Variants in TBC1D22A observed in about 807,000 individuals in gnomAD.
The protein encoded by TBC1D22A is TBC1 domain family member 22A.
Under a neutral mutation model 60.2 loss-of-function variants are expected in TBC1D22A, and 38 were observed. That is an observed-to-expected ratio of 0.63 (90% CI 0.49 to 0.83). The LOEUF is 0.83. Among genes scored for constraint, TBC1D22A ranks in the 40% least tolerant of loss-of-function variants. The probability of loss-of-function intolerance (pLI) is 0.00; values close to 1 mark genes in which losing one functional copy is unlikely to be tolerated. For missense variants in TBC1D22A, 628 were observed against 701.0 expected, an observed-to-expected ratio of 0.90 and a Z score of 1.18; for synonymous variants, 302 against 281.7, an observed-to-expected ratio of 1.07 and a Z score of -0.72.
chr22:46,941,825 A>ATATG (rs1193746525), intron 8 of TBC1D22A, among the ~76,000 whole-genome samples: 12,114 of 96,540 alleles, frequency 0.13, 807 homozygotes, highest in African/African-American at 0.22. Flanking sequence ...TATATAGAAT[A>ATATG]TATAGAATAA....
chr22:46,821,889 C>T (rs954003033), intron 4 of TBC1D22A, among the ~76,000 whole-genome samples: 43 of 152,014 alleles, frequency 2.8e-4, no homozygotes, highest in African/African-American at 7.2e-4. Context: ...ATCGTAGGTT[C>T]GGTCATTTTA....
At chr22:46,906,929 G>C (rs745563138) in intron 7 of TBC1D22A, among the ~76,000 whole-genome samples, 35 of 152,026 alleles carry the variant, frequency 2.3e-4, no homozygotes, top group Non-Finnish European at 4.1e-4. Flanking sequence ...ATGTGTGCGC[G>C]TGTGCTCTCT....
At chr22:46,945,176 C>G (rs1486304364) in intron 8 of TBC1D22A, among the ~76,000 whole-genome samples, 1 of 152,218 alleles carries the variant, frequency 6.6e-6, no homozygotes, top group African/African-American at 2.4e-5. Context: ...TTTTGAAAAA[C>G]TACTGGTGGG....
At chr22:46,912,554 GTTTA>G (rs140115984) in intron 8 of TBC1D22A, among the ~76,000 whole-genome samples, 13 of 148,644 alleles carry the variant, frequency 8.7e-5, no homozygotes, top group African/African-American at 3.3e-4. Context: ...CTGTCTATCT[GTTTA>G]TCTATCTGTT....
chr22:46,818,300 G>GT lies in TBC1D22A; in HGVS notation c.637+20685dup, dbSNP rs1377508890. 2.6e-5 allele frequency among the ~76,000 whole-genome samples: 4 copies of GT among 152,292 alleles called. No individual in the cohort carries two copies. In the East Asian group the frequency reaches 5.8e-4, roughly 22 times the overall value. Reference sequence around the variant, plus strand: ...GGCTTATGTTGCAGTTGCTTTTGGTGTTTTTATCATGAAGTCTTTGCCCAT... The same window carrying GT: ...GGCTTATGTTGCAGTTGCTTTTGGTGTTTTTTATCATGAAGTCTTTGCCCAT... On this transcript the variant is annotated intron_variant, in intron 4 of 12. Coordinates refer to ENST00000337137, the MANE Select transcript of TBC1D22A (RefSeq NM_014346.5).
intron 5 of TBC1D22A, among the ~76,000 whole-genome samples, chr22:46,885,931 G>A (rs1274997845): frequency 6.8e-6 from 1 of 148,102 alleles, no homozygotes; most frequent in Non-Finnish European, 1.5e-5. Context: ...TTTTTGAGGC[G>A]GAGTCTCACT....
intron 5 of TBC1D22A, among the ~76,000 whole-genome samples, chr22:46,884,899 T>A (rs1223844197): frequency 6.6e-6 from 1 of 152,078 alleles, no homozygotes; most frequent in Non-Finnish European, 1.5e-5. Flanking sequence ...GTGACGAGTC[T>A]CGGCCTCTTG....
chr22:47,067,303 C>T (rs2063809396), intron 11 of TBC1D22A, among the ~76,000 whole-genome samples: 1 of 152,204 alleles, frequency 6.6e-6, no homozygotes. Flanking sequence ...GTCTCTTCTT[C>T]CAGGCCTTTA....
At chr22:46,764,253 A>G (rs972106131) in intron 1 of TBC1D22A, 7 of 152,244 alleles carry the variant, frequency 4.6e-5, no homozygotes, top group African/African-American at 1.4e-4. Context: ...GAGAACAGTA[A>G]GACCTTTCAA....
intron 11 of TBC1D22A, among the ~76,000 whole-genome samples, chr22:47,067,932 G>A (rs2063833107): frequency 6.6e-6 from 1 of 152,148 alleles, no homozygotes; most frequent in Admixed American, 6.5e-5. Flanking sequence ...CTGAACATTC[G>A]GACTCCATGT....
At chr22:47,158,279 C>T (rs1036157179) in intron 12 of TBC1D22A, among the ~76,000 whole-genome samples, 3 of 152,194 alleles carry the variant, frequency 2.0e-5, no homozygotes, top group Admixed American at 2.0e-4. Flanking sequence ...CGCTTAAGCA[C>T]ATTGAGAGCT....
chr22:46,898,453 A>G (rs2068801533), intron 7 of TBC1D22A, among the ~76,000 whole-genome samples: 1 of 152,226 alleles, frequency 6.6e-6, no homozygotes, highest in South Asian at 2.1e-4. Flanking sequence ...ACAGGGCTGG[A>G]TATTGAGAAG....
At chr22:46,912,943 T>C (rs534156944) in intron 8 of TBC1D22A, among the ~76,000 whole-genome samples, 1 of 152,346 alleles carries the variant, frequency 6.6e-6, no homozygotes, top group African/African-American at 2.4e-5. Flanking sequence ...TCTTCTTTAA[T>C]TGCGTTTCTG....
intron 11 of TBC1D22A, among the ~76,000 whole-genome samples, chr22:47,091,181 TG>T (rs2064942289): frequency 1.1e-5 from 1 of 89,684 alleles, no homozygotes. Context: ...TGGTGGGGAG[TG>T]GCCTCGCGGA....
rs771115842 is a variant in TBC1D22A, at chr22:46,891,367, C to T, written c.810C>T (p.Asp270=). 2.0e-5 allele frequency: 32 copies of T among 1,612,222 alleles called. No homozygotes were observed. The highest frequency in any genetic ancestry group is 2.4e-5 in the Non-Finnish European group (28 of 1,179,474). ...AGCACTATTACGATTCTAGGAACGACGAAGTTCACCAGGACACATACAGGC... is the reference window on the plus strand; with the variant it reads ...AGCACTATTACGATTCTAGGAACGATGAAGTTCACCAGGACACATACAGGC... ...FIEHYYDSRN[D]EVHQDTYRQI... Residue 270 remains aspartate (D), a synonymous_variant, in exon 6 of 13, where the codon GAC becomes GAT. Coordinates refer to ENST00000337137, the MANE Select transcript of TBC1D22A (RefSeq NM_014346.5).
intron 11 of TBC1D22A, among the ~76,000 whole-genome samples, chr22:47,046,643 G>T (rs947514783): frequency 2.0e-5 from 3 of 152,224 alleles, no homozygotes; most frequent in African/African-American, 7.2e-5. Context: ...TGGGTAGAAA[G>T]AATAGGGCTG....
At chr22:46,884,221 C>T (rs888998406) in intron 5 of TBC1D22A, among the ~76,000 whole-genome samples, 6 of 151,464 alleles carry the variant, frequency 4.0e-5, no homozygotes, top group African/African-American at 9.7e-5. Context: ...TGGTGAGGGC[C>T]GAGGAGGGGA....
intron 8 of TBC1D22A, chr22:46,913,724 T>C: frequency 2.0e-6 from 2 of 985,412 alleles, no homozygotes; most frequent in Non-Finnish European, 2.4e-6. Flanking sequence ...TGAGATGTGA[T>C]TAGAGAATTG....
At chr22:46,892,602 A>C (rs1205479100) in intron 6 of TBC1D22A, among the ~76,000 whole-genome samples, 1 of 152,246 alleles carries the variant, frequency 6.6e-6, no homozygotes, top group African/African-American at 2.4e-5. Flanking sequence ...GCTTAAGGAA[A>C]TATTAGCTTA....
Sources: allele counts gnomAD v4.1 joint callset (sites outside exome capture counted in the v4.1 genomes callset), GRCh38; gene constraint gnomAD v4.1.1; transcripts MANE v1.5; gene names NCBI Gene and HGNC (gene_info 2026-07-23, HGNC 2026-07-21).